NIPA2: variants seen among roughly 807,000 people sequenced by gnomAD.
NIPA2 encodes the protein magnesium transporter NIPA2.
NIPA2 carries 11 observed loss-of-function variants against 29.7 expected under a neutral mutation model. That is an observed-to-expected ratio of 0.37 (90% CI 0.23 to 0.61). The LOEUF (loss-of-function observed/expected upper bound fraction) is 0.61, where lower values mean the gene tolerates loss of function less well. Ranked by LOEUF, NIPA2 falls within the 20% of genes least tolerant of loss-of-function variation. The pLI, the probability that NIPA2 is intolerant of heterozygous loss-of-function variation, is 0.66. For synonymous variants in NIPA2, 183 were observed against 161.9 expected (o/e 1.13, Z -0.99); for missense variants, 426 against 437.9 (o/e 0.97, Z 0.24).
At position 22,868,324 on chromosome 15, in the gene NIPA2, T is replaced by C. The variant is rs1169088228; in HGVS notation, c.*1477T>C. On this transcript the variant is annotated 3_prime_UTR_variant, in exon 8 of 8. Transcript: ENST00000337451. ...CATAAAAGAACCAGTTTTCTCCCCC[T>C]TGAGGACAGAGACTCATTTGAACAT... 1.3e-5 allele frequency: 2 copies of C among 152,208 alleles called. No individual in the cohort carries two copies. The highest frequency in any genetic ancestry group is 2.9e-5 in the Non-Finnish European group (2 of 68,042). 9.4% of individuals were successfully genotyped at this position (152,208 alleles called of 1,614,324 possible).
rs1426666215 is a variant in NIPA2, at chr15:22,866,656, G to T, written c.892G>T (p.Ala298Ser). 1 of 1,614,064 alleles carries T rather than the reference G, an allele frequency of 6.2e-7. No individual in the cohort carries two copies. Among genetic ancestry groups the T allele is most frequent in the South Asian group, 1.1e-5 (1 of 91,086 alleles). Residue 298 changes from alanine (A) to serine (S), a missense_variant, in exon 8 of 8, where the codon GCC becomes TCC. By Grantham distance (99) the Ala-to-Ser change is moderately conservative. Coordinates refer to ENST00000337451, the MANE Select transcript of NIPA2 (RefSeq NM_030922.7). ...TIIVGIFLLH[A>S]FKDVSFSLAS... ...CATTGTGGGGATATTCTTGTTGCAT[G>T]CCTTTAAAGACGTCAGCTTTAGTCT...
chr15:22,866,020 G>A (rs1300920240), intron 7 of NIPA2, among the ~76,000 whole-genome samples, 193 bp from the exon 8 acceptor site: 1 of 152,028 alleles, frequency 6.6e-6, no homozygotes, highest in Non-Finnish European at 1.5e-5. Flanking sequence ...TATGAAGCTC[G>A]CATTAATCTT....
chr15:22,843,592 A>G (rs546601082), intron 2 of NIPA2, among the ~76,000 whole-genome samples: 37 of 152,092 alleles, frequency 2.4e-4, no homozygotes, highest in African/African-American at 6.3e-4. Flanking sequence ...TGAAATGTCA[A>G]AAGTGCTGTG....
At chr15:22,865,778 AT>A (rs1447389971) in intron 7 of NIPA2, among the ~76,000 whole-genome samples, 2 of 144,784 alleles carry the variant, frequency 1.4e-5, no homozygotes, top group Non-Finnish European at 3.0e-5. Context: ...TTGTCCACAA[AT>A]TTTAAAAGTT....
chr15:22,841,655 C>T (rs1294818414), intron 2 of NIPA2, among the ~76,000 whole-genome samples: 1 of 152,094 alleles, frequency 6.6e-6, no homozygotes, highest in Non-Finnish European at 1.5e-5. Context: ...ATTACAGGCG[C>T]CCGCCACCAT....
At position 22,842,875 on chromosome 15, in the gene NIPA2, C is replaced by G. The variant is rs533237319; in HGVS notation, c.-215-2271C>G. ...AAAATTTGCCTAGTGTAGTGGTGGG[C>G]GCCTGTAGTCCCAGCTACTCGGGAG... On this transcript the variant is annotated intron_variant, in intron 2 of 7. Transcript: ENST00000337451. Among the ~76,000 whole-genome samples, 73 of 150,554 alleles carry G rather than the reference C, an allele frequency of 4.8e-4. 2 individuals are homozygous for G. Among genetic ancestry groups the G allele is most frequent in the Middle Eastern group, 6.8e-3 (2 of 292 alleles).
chr15:22,866,561 TTC>T lies in NIPA2; in HGVS notation c.799_800del (p.Leu267PhefsTer2), dbSNP rs766067672. On this transcript the variant is annotated frameshift_variant, in exon 8 of 8. Coordinates refer to ENST00000337451, the MANE Select transcript of NIPA2 (RefSeq NM_030922.7). LOFTEE classifies it high-confidence loss of function. The stretch of plus-strand genomic sequence containing the variant: ...ACATCAGTTTTAACTTGTTCAGCTA[TTC>T]TTTTTAAGGAGTGGCAAGATATGCC... 1.2e-6 allele frequency: 2 copies of T among 1,614,038 alleles called. No individual in the cohort carries two copies. Among genetic ancestry groups the T allele is most frequent in the African/African-American group, 2.7e-5 (2 of 74,930 alleles).
At chr15:22,855,833 G>A (rs915084300) in intron 5 of NIPA2, among the ~76,000 whole-genome samples, 4 of 152,166 alleles carry the variant, frequency 2.6e-5, no homozygotes, top group African/African-American at 9.7e-5. Flanking sequence ...AACTGTAACT[G>A]TGAAGGCCAC....
chr15:22,840,190 G>T (rs916972584), intron 2 of NIPA2, among the ~76,000 whole-genome samples: 31 of 151,950 alleles, frequency 2.0e-4, no homozygotes, highest in African/African-American at 7.3e-4. Context: ...AAAGTGCGGG[G>T]ATTACAGGTG....
intron 5 of NIPA2, among the ~76,000 whole-genome samples, chr15:22,856,220 G>GA (rs1414912353): frequency 2.0e-5 from 3 of 151,970 alleles, no homozygotes; most frequent in Non-Finnish European, 2.9e-5. Context: ...AGTTGGAAGG[G>GA]AAAAAATGGA....
rs972754999 is a variant in NIPA2, at chr15:22,866,699, C to T, written c.935C>T (p.Ser312Phe). The T allele has an allele frequency of 6.2e-7, 1 of 1,613,984 alleles. No individual in the cohort carries two copies. The highest frequency in any genetic ancestry group is 1.3e-5 in the African/African-American group (1 of 74,892). The change falls in exon 8 of 8, where the codon TCT becomes TTT. Residue 312 changes from serine (S) to phenylalanine (F), a missense_variant. Coordinates refer to ENST00000337451, the MANE Select transcript of NIPA2 (RefSeq NM_030922.7). The stretch of plus-strand genomic sequence containing the variant: ...TTTAGTCTAGCAAGTCTGCCTGTGT[C>T]TTTTCGAAAAGACGAGAAAGCAATG... ...VSFSLASLPV[S>F]FRKDEKAMNG...
At chr15:22,839,821 T>G (rs896106045) in intron 2 of NIPA2, 31 bp downstream of exon 2, 1 of 152,200 alleles carries the variant, frequency 6.6e-6, no homozygotes, top group African/African-American at 2.4e-5. Context: ...ATAACTAATA[T>G]TGTTGCATAG....
Position 22,851,679 on chromosome 15 carries a change from T to A in NIPA2, c.-53T>A. On this transcript the variant is annotated 5_prime_UTR_variant, in exon 4 of 8. Coordinates refer to ENST00000337451, the MANE Select transcript of NIPA2 (RefSeq NM_030922.7). ...CATTCTGCCTCTAGTACCAGCGGTT[T>A]CTCTGTTCTGTGATCAATGTGATTC... The A allele has an allele frequency of 6.6e-7, 1 of 1,515,732 alleles. No homozygotes were observed. The highest frequency in any genetic ancestry group is 8.9e-7 in the Non-Finnish European group (1 of 1,119,494). 93.9% of individuals were successfully genotyped at this position (1,515,732 alleles called of 1,614,324 possible).
intron 2 of NIPA2, among the ~76,000 whole-genome samples, chr15:22,840,880 CAT>C (rs957144003): frequency 2.6e-5 from 4 of 152,012 alleles, no homozygotes; most frequent in African/African-American, 7.3e-5. Context: ...ATGGTTTACT[CAT>C]ATTTAAAACA....
chr15:22,866,401 C>T lies in NIPA2; in HGVS notation c.637C>T (p.Leu213=), dbSNP rs761135267. ...IKELFAGKPV[L]RHPLAWILLL... ...GGAGCTGTTTGCAGGGAAGCCTGTG[C>T]TGCGGCATCCCCTGGCTTGGATTCT... The change falls in exon 8 of 8, where the codon CTG becomes TTG. Residue 213 remains leucine (L), a synonymous_variant. Transcript: ENST00000337451. 3.1e-6 allele frequency: 5 copies of T among 1,613,964 alleles called. No homozygotes were observed. Among genetic ancestry groups the T allele is most frequent in the African/African-American group, 1.3e-5 (1 of 74,912 alleles).
chr15:22,842,943 C>T (rs1415458010), intron 2 of NIPA2, among the ~76,000 whole-genome samples: 1 of 150,642 alleles, frequency 6.6e-6, no homozygotes, highest in Non-Finnish European at 1.5e-5. Context: ...GCGGAGCTTG[C>T]AGTGAGCAGA....
chr15:22,861,247 A>C (rs552457247), intron 7 of NIPA2, among the ~76,000 whole-genome samples: 1 of 152,006 alleles, frequency 6.6e-6, no homozygotes, highest in Non-Finnish European at 1.5e-5. Context: ...GACTAATTCT[A>C]CTCTCAGTAA....
In NIPA2 at chr15:22,867,855, T is replaced by TGTTTATG. The variant is rs140575352; in HGVS notation, c.*1008_*1009insGTTTATG. On this transcript the variant is annotated 3_prime_UTR_variant, in exon 8 of 8. Coordinates refer to ENST00000337451, the MANE Select transcript of NIPA2 (RefSeq NM_030922.7). ...TTTTGGTTTCTAGAAAATGTTTGTT[T>TGTTTATG]ATGAAGAAGTCGATGGAAAACTGCA... 6.6e-6 allele frequency: 1 copy of TGTTTATG among 152,014 alleles called. No individual in the cohort carries two copies. The highest frequency in any genetic ancestry group is 2.4e-5 in the African/African-American group (1 of 41,392). 9.4% of individuals were successfully genotyped at this position (152,014 alleles called of 1,614,324 possible). A position where few individuals can be genotyped will look rare whatever the true frequency, so the allele number is the denominator to read the frequency against.
chr15:22,841,557 A>G (rs1333821329), intron 2 of NIPA2, among the ~76,000 whole-genome samples: 2 of 151,972 alleles, frequency 1.3e-5, no homozygotes, highest in African/African-American at 2.4e-5. Flanking sequence ...TGCCCAGGCT[A>G]GAGTGCAGCT....
Sources: gnomAD v4.1 joint callset for allele counts (sites outside exome capture counted in the v4.1 genomes callset) on GRCh38, gnomAD v4.1.1 for gene constraint, MANE v1.5 for transcripts, NCBI Gene and HGNC (gene_info 2026-07-23, HGNC 2026-07-21) for gene names.